Variants in EPM2A observed in about 807,000 individuals in gnomAD.
The protein encoded by EPM2A is EPM2A glucan phosphatase, laforin.
Under a neutral mutation model 26.5 loss-of-function variants are expected in EPM2A, and 21 were observed. The ratio of observed to expected loss-of-function variants is 0.79; its 90% CI spans 0.56 to 1.14. The LOEUF (loss-of-function observed/expected upper bound fraction) is 1.14. EPM2A is among the 50% of genes most tolerant of loss of function. The pLI is 0.00. For missense variants in EPM2A, 458 were observed against 440.8 expected (o/e 1.04, Z -0.35); for synonymous variants, 217 against 177.6 (o/e 1.22, Z -1.76).
intron 4 of EPM2A, among the ~76,000 whole-genome samples, chr6:145,389,012 C>T (rs1011260486): frequency 6.6e-6 from 1 of 151,920 alleles, no homozygotes; most frequent in African/African-American, 2.4e-5. Flanking sequence ...GATTTAAAAT[C>T]CTTTATATAC....
downstream of EPM2A, among the ~76,000 whole-genome samples, chr6:145,620,667 G>T (rs1240053898): frequency 6.6e-6 from 1 of 152,122 alleles, no homozygotes; most frequent in Non-Finnish European, 1.5e-5. Context: ...TAATGACAAT[G>T]ACCTGTTCTG....
At chr6:145,531,337 A>G (rs1334708264) in intron 2 of EPM2A, among the ~76,000 whole-genome samples, 3 of 152,180 alleles carry the variant, frequency 2.0e-5, no homozygotes, top group Non-Finnish European at 4.4e-5. Context: ...GCCATAATAG[A>G]ATGTGCCCAT....
At chr6:145,624,136 G>A (rs1039690712), downstream of EPM2A, among the ~76,000 whole-genome samples, 2 of 151,906 alleles carry the variant, frequency 1.3e-5, no homozygotes, top group Admixed American at 6.6e-5. Flanking sequence ...TTTCTAGCAG[G>A]TACTCAGTGA....
At chr6:145,634,947 C>T (rs756121919) in intron 3 of EPM2A, 32 of 317,332 alleles carry the variant, frequency 1.0e-4, no homozygotes, top group Non-Finnish European at 1.5e-4. Context: ...CAATGCGCTC[C>T]GTGGGGGCAG....
chr6:145,633,375 C>T (rs1363390457), intron 3 of EPM2A, among the ~76,000 whole-genome samples: 1 of 152,230 alleles, frequency 6.6e-6, no homozygotes, highest in East Asian at 1.9e-4. Flanking sequence ...TAAATATCAC[C>T]TGGATTCAAC....
At chr6:145,567,197 T>C (rs1780895325) in intron 2 of EPM2A, among the ~76,000 whole-genome samples, 1 of 152,208 alleles carries the variant, frequency 6.6e-6, no homozygotes, top group Non-Finnish European at 1.5e-5. Flanking sequence ...ATTGGATGGA[T>C]CAATACTTTT....
intron 4 of EPM2A, among the ~76,000 whole-genome samples, chr6:145,417,807 A>G (rs1442675162): frequency 1.3e-5 from 2 of 148,252 alleles, no homozygotes; most frequent in East Asian, 2.0e-4. Context: ...AGTCCTCCCC[A>G]TGGTCACAAC....
intron 2 of EPM2A, among the ~76,000 whole-genome samples, chr6:145,596,913 A>G (rs1482128654): frequency 1.1e-5 from 1 of 89,110 alleles, no homozygotes; most frequent in Non-Finnish European, 1.9e-5. Context: ...TTTGAGACGG[A>G]GTCTCGCTCT....
chr6:145,452,489 C>CAAAAAAAAAAAAAAAA (rs563777945), intron 4 of EPM2A, among the ~76,000 whole-genome samples: 9 of 75,862 alleles, frequency 1.2e-4, no homozygotes, highest in African/African-American at 2.4e-4. Context: ...ACTAAAAATA[C>CAAAAAAAAAAAAAAAA]AAAAAAAAAA....
At chr6:145,450,298 A>G (rs1405153161) in intron 4 of EPM2A, among the ~76,000 whole-genome samples, 8 of 145,062 alleles carry the variant, frequency 5.5e-5, no homozygotes, top group Non-Finnish European at 1.0e-4. Flanking sequence ...GCTTGCAGTG[A>G]GCCGAGATCG....
intron 1 of EPM2A, among the ~76,000 whole-genome samples, chr6:145,697,856 G>A (rs901208305): frequency 3.3e-5 from 5 of 152,024 alleles, no homozygotes; most frequent in African/African-American, 4.8e-5. Flanking sequence ...CACACATGCT[G>A]TACAAACAAT....
At chr6:145,631,229 C>T (rs913472162) in intron 3 of EPM2A, 1 of 151,894 alleles carries the variant, frequency 6.6e-6, no homozygotes, top group African/African-American at 2.4e-5. Context: ...AAGAGGGTCC[C>T]CAGGAAGGTT....
chr6:145,629,060 G>A (rs970335306), intron 3 of EPM2A: 11 of 152,386 alleles, frequency 7.2e-5, no homozygotes, highest in African/African-American at 2.4e-4. Context: ...TGGAAGCCAG[G>A]ATAATATTCT....
chr6:145,732,726 G>T (rs1435227315), intron 1 of EPM2A, among the ~76,000 whole-genome samples: 1 of 152,018 alleles, frequency 6.6e-6, no homozygotes, highest in East Asian at 1.9e-4. Flanking sequence ...TCCTTGCAGT[G>T]GTACAGTTTT....
At chr6:145,396,269 CCTT>C (rs1197422353) in intron 4 of EPM2A, among the ~76,000 whole-genome samples, 1 of 152,166 alleles carries the variant, frequency 6.6e-6, no homozygotes, top group Non-Finnish European at 1.5e-5. Context: ...CACTACCCCT[CCTT>C]CTTCCCGGGC....
chr6:145,536,482 A>G (rs1045342000), intron 2 of EPM2A, among the ~76,000 whole-genome samples: 6 of 152,022 alleles, frequency 3.9e-5, no homozygotes, highest in Admixed American at 3.3e-4. Context: ...TTTTTAGTAG[A>G]GACGGGGTCT....
In EPM2A at chr6:145,698,139, G is replaced by A. The variant is rs142537362; in HGVS notation, c.302-11843C>T. On this transcript the variant is annotated intron_variant, in intron 1 of 3. Coordinates refer to ENST00000367519, the MANE Select transcript of EPM2A (RefSeq NM_005670.4). ...CGTTCTTCTGCCATGGCTTCAGCCAGTCCCTCCGTTCAGGGTCCCTGACCT... is the reference window on the plus strand; with the variant it reads ...CGTTCTTCTGCCATGGCTTCAGCCAATCCCTCCGTTCAGGGTCCCTGACCT... 4.3e-3 allele frequency among the ~76,000 whole-genome samples: 657 copies of A among 152,326 alleles called. 5 individuals are homozygous for A. Among genetic ancestry groups the A allele is most frequent in the African/African-American group, 0.014 (569 of 41,568 alleles).
intron 2 of EPM2A, among the ~76,000 whole-genome samples, chr6:145,555,416 T>C (rs1469233659): frequency 6.6e-6 from 1 of 152,010 alleles, no homozygotes; most frequent in Non-Finnish European, 1.5e-5. Context: ...GGCCCATAAA[T>C]TAGGTTGAGC....
intron 4 of EPM2A, among the ~76,000 whole-genome samples, chr6:145,394,451 C>A (rs1419536364): frequency 6.6e-6 from 1 of 152,120 alleles, no homozygotes; most frequent in East Asian, 1.9e-4. Flanking sequence ...TAGAGCCCAA[C>A]AAACCTCTAC....
Sources: gnomAD v4.1 joint callset for allele counts (sites outside exome capture counted in the v4.1 genomes callset) on GRCh38, gnomAD v4.1.1 for gene constraint, MANE v1.5 for transcripts, NCBI Gene and HGNC (gene_info 2026-07-23, HGNC 2026-07-21) for gene names.